DLGAP2: variants seen among roughly 807,000 people sequenced by gnomAD.
The protein encoded by DLGAP2 is disks large-associated protein 2.
Under a neutral mutation model 100.3 loss-of-function variants are expected in DLGAP2, and 26 were observed. The ratio of observed to expected loss-of-function variants is 0.26; its 90% CI spans 0.19 to 0.36. The LOEUF (loss-of-function observed/expected upper bound fraction) is 0.36, where lower values mean the gene tolerates loss of function less well. Among genes scored for constraint, DLGAP2 ranks in the 10% least tolerant of loss-of-function variants. The pLI, the probability that DLGAP2 is intolerant of heterozygous loss-of-function variation, is 1.00. For synonymous variants in DLGAP2, 886 were observed against 630.1 expected, an observed-to-expected ratio of 1.41 and a Z score of -6.08; for missense variants, 1,858 against 1,453.2, an observed-to-expected ratio of 1.28 and a Z score of -4.53.
chr8:1,518,229 C>T (rs1037922511), intron 4 of DLGAP2, among the ~76,000 whole-genome samples: 4 of 152,198 alleles, frequency 2.6e-5, no homozygotes, highest in African/African-American at 9.7e-5. Flanking sequence ...TCAGCCCTAA[C>T]TGGAATGGCG....
chr8:1,664,097 A>G (rs1335384032), intron 8 of DLGAP2, among the ~76,000 whole-genome samples: 1 of 152,206 alleles, frequency 6.6e-6, no homozygotes, highest in Non-Finnish European at 1.5e-5. Context: ...CTGCCTTTCT[A>G]GAGCTGAGGC....
intron 1 of DLGAP2, among the ~76,000 whole-genome samples, chr8:896,465 A>C (rs1563084452): frequency 6.6e-6 from 1 of 152,024 alleles, no homozygotes; most frequent in Non-Finnish European, 1.5e-5. Flanking sequence ...AGTCACACTA[A>C]TTTTGGGGTA....
chr8:1,585,588 T>C (rs2130653311), intron 6 of DLGAP2, among the ~76,000 whole-genome samples: 1 of 152,336 alleles, frequency 6.6e-6, no homozygotes, highest in South Asian at 2.1e-4. Flanking sequence ...CTTTTCTTTT[T>C]TTAACCCAAC....
intron 2 of DLGAP2, chr8:1,246,718 A>G (rs551872756): frequency 6.6e-6 from 1 of 152,394 alleles, no homozygotes; most frequent in Non-Finnish European, 1.5e-5. Context: ...ACCACTGGGG[A>G]TGTGTGTGGC....
chr8:1,635,087 T>C (rs1024397581), intron 8 of DLGAP2, among the ~76,000 whole-genome samples: 11 of 152,206 alleles, frequency 7.2e-5, no homozygotes, highest in African/African-American at 2.7e-4. Flanking sequence ...GGATTACAAG[T>C]TACCCTTGTG....
chr8:1,374,843 G>A (rs537556411), intron 3 of DLGAP2, among the ~76,000 whole-genome samples: 118 of 152,284 alleles, frequency 7.7e-4, no homozygotes, highest in East Asian at 3.1e-3. Context: ...GCAACTGTGC[G>A]TGGGACTCCG....
At chr8:880,599 G>A (rs138993035) in intron 1 of DLGAP2, among the ~76,000 whole-genome samples, 11,790 of 133,340 alleles carry the variant, frequency 0.088, 613 homozygotes, top group Admixed American at 0.14. Flanking sequence ...CGGGGTGACC[G>A]TCCAGTGTGT....
intron 3 of DLGAP2, among the ~76,000 whole-genome samples, chr8:1,389,289 C>A (rs1209330066): frequency 1.4e-5 from 2 of 139,256 alleles, no homozygotes; most frequent in Non-Finnish European, 3.0e-5. Flanking sequence ...GGGGAGGGGA[C>A]TCTGGAGGAG....
rs147929011 is a variant in DLGAP2 at position 1,684,643 on chromosome 8, G to A, written c.2704+6014G>A. ...CTATAGTGAACCCAAAGAAATGCTG[G>A]TCTGCATAAAGTCACATTAATGCAG... On this transcript the variant is annotated intron_variant, in intron 12 of 14. Transcript: ENST00000637795. 2.4e-3 allele frequency among the ~76,000 whole-genome samples: 360 copies of A among 152,134 alleles called. 2 individuals carry two copies. The highest frequency in any genetic ancestry group is 3.6e-3 in the Non-Finnish European group (246 of 68,008).
intron 5 of DLGAP2, among the ~76,000 whole-genome samples, chr8:1,559,253 C>T (rs770209917): frequency 6.6e-6 from 1 of 152,162 alleles, no homozygotes; most frequent in East Asian, 1.9e-4. Flanking sequence ...TGGTAGCCGT[C>T]GTGGAAAGAA....
chr8:1,064,007 C>T (rs1216073323), intron 2 of DLGAP2, among the ~76,000 whole-genome samples: 1 of 152,168 alleles, frequency 6.6e-6, no homozygotes, highest in East Asian at 1.9e-4. Context: ...CGCAGGATGA[C>T]ATGGTTCTCC....
In DLGAP2 at chr8:1,439,304, G is replaced by T. The variant is rs147431569; in HGVS notation, c.107-62062G>T. The stretch of plus-strand genomic sequence containing the variant: ...GAAGGGAAGGAGGGACAGAGGCTGT[G>T]GGGGTTTTAGGAGGAAGCTTCGCGC... On this transcript the variant is annotated intron_variant, in intron 3 of 14. Coordinates refer to ENST00000637795, the MANE Select transcript of DLGAP2 (RefSeq NM_001346810.2). Among the ~76,000 whole-genome samples the T allele has an allele frequency of 1.0e-3, 157 of 152,338 alleles. No homozygotes were observed. The East Asian group carries it at 0.016, about 16-fold the overall frequency.
At chr8:1,628,050 G>C (rs148011074) in intron 7 of DLGAP2, among the ~76,000 whole-genome samples, 84 of 123,410 alleles carry the variant, frequency 6.8e-4, no homozygotes, top group African/African-American at 3.0e-3. Flanking sequence ...GGGATTAAGA[G>C]CTTGAGCCAA....
At chr8:1,376,385 A>C (rs1056191845) in intron 3 of DLGAP2, among the ~76,000 whole-genome samples, 5 of 152,326 alleles carry the variant, frequency 3.3e-5, no homozygotes, top group Admixed American at 6.5e-5. Context: ...CTGCAGAGAG[A>C]GGAGCTTCCT....
Position 1,669,904 on chromosome 8 carries a change from T to C in DLGAP2, c.2202+120T>C, listed in dbSNP as rs925654918. ...TCCTGATTCTATGTGCCAGGCACTA[T>C]GCTGGGTGCTCCCATCTGTCCCCCT... On this transcript the variant is annotated intron_variant, in intron 10 of 14. Transcript: ENST00000637795. 29 of 721,392 alleles carry C rather than the reference T, an allele frequency of 4.0e-5. No homozygotes were observed. The Middle Eastern group carries it at 1.6e-3, about 40-fold the overall frequency. The allele number at this position is 721,392 out of a possible 1,614,324, so 44.7% of individuals were successfully genotyped here.
At chr8:805,461 A>G (rs553600049) in intron 1 of DLGAP2, among the ~76,000 whole-genome samples, 1 of 152,132 alleles carries the variant, frequency 6.6e-6, no homozygotes, top group East Asian at 1.9e-4. Context: ...CACTTATCTA[A>G]AGATCTTCCC....
intron 2 of DLGAP2, among the ~76,000 whole-genome samples, chr8:1,128,076 G>A (rs1796208595): frequency 6.6e-6 from 1 of 152,208 alleles, no homozygotes; most frequent in African/African-American, 2.4e-5. Context: ...ATATCCCGGT[G>A]TTGTGTTCCA....
At chr8:1,180,895 A>G (rs1797372994) in intron 2 of DLGAP2, among the ~76,000 whole-genome samples, 1 of 139,180 alleles carries the variant, frequency 7.2e-6, no homozygotes, top group Non-Finnish European at 1.5e-5. Flanking sequence ...AGGGCAGTAC[A>G]CTTACTGTCG....
At chr8:1,587,859 G>A (rs1796171694) in intron 6 of DLGAP2, among the ~76,000 whole-genome samples, 1 of 152,012 alleles carries the variant, frequency 6.6e-6, no homozygotes, top group Admixed American at 6.6e-5. Flanking sequence ...CTAATTATAT[G>A]AAGTCTTAAC....
Sources: allele counts gnomAD v4.1 joint callset (sites outside exome capture counted in the v4.1 genomes callset), GRCh38; gene constraint gnomAD v4.1.1; transcripts MANE v1.5; gene names NCBI Gene and HGNC (gene_info 2026-07-23, HGNC 2026-07-21).